The following EPHB6 variants were observed in gnomAD, a reference collection of about 807,000 sequenced individuals.
The protein encoded by EPHB6 is ephrin type-B receptor 6.
A neutral mutation model predicts 107.0 loss-of-function variants in EPHB6; 51 were observed. The observed-to-expected ratio is 0.48, with a 90% CI of 0.38 to 0.60. The LOEUF (loss-of-function observed/expected upper bound fraction) is 0.60. Ranked by LOEUF, EPHB6 falls within the 20% of genes least tolerant of loss-of-function variation. The pLI is 0.00. For synonymous variants in EPHB6, 553 were observed against 549.0 expected, an observed-to-expected ratio of 1.01 and a Z score of -0.10; for missense variants, 1,141 against 1,355.5, an observed-to-expected ratio of 0.84 and a Z score of 2.48.
rs538788029 is a variant in EPHB6, at chr7:142,864,627, G to C, written c.827G>C (p.Gly276Ala). Residue 276 changes from glycine to alanine, a missense_variant, in exon 7 of 20, where the codon GGC becomes GCC. Gly to Ala is a moderately conservative substitution (Grantham distance 60). This residue lies in a region of EPHB6 where 304 missense variants were observed against 295.7 expected (regional missense o/e 1.03). Coordinates refer to ENST00000652003, the MANE Select transcript of EPHB6 (RefSeq NM_004445.6). Reference protein sequence around the residue: ...HAEPEEDGVGGQAGGSPPRLH... With the variant: ...HAEPEEDGVGAQAGGSPPRLH... The stretch of plus-strand genomic sequence containing the variant: ...GAGCCAGAGGAGGATGGAGTAGGGG[G>C]CCAGGCAGGAGGCAGCCCCCCCAGG... The C allele has an allele frequency of 1.2e-6, 2 of 1,612,348 alleles. No homozygotes were observed. The highest frequency in any genetic ancestry group is 1.3e-5 in the African/African-American group (1 of 75,048).
rs759817671 is a variant in EPHB6, at chr7:142,867,700, G to C, written c.1843G>C (p.Val615Leu). Residue 615 changes from valine to leucine, a missense_variant, in exon 12 of 20, where the codon GTG becomes CTG. Val to Leu is a conservative substitution (Grantham distance 32). Around this residue, in one of 3 missense-constraint regions of EPHB6, gnomAD observed 616 missense variants for 759.3 expected, o/e 0.81. Coordinates refer to ENST00000652003, the MANE Select transcript of EPHB6 (RefSeq NM_004445.6). This position sits in a 1 kb window ranked among gnomAD's most constrained non-coding sequence, Gnocchi z 5.3. ...CTTCCTCCTGCTGGCAGCCATCACC[G>C]TGCTGGCGGTCGTCTTCCAGCGGTG... ...LAFLLLAAIT[V>L]LAVVFQRKRR... 122 of 1,612,408 alleles carry C rather than the reference G, an allele frequency of 7.6e-5. No individual in the cohort carries two copies. The highest frequency in any genetic ancestry group is 9.8e-5 in the Non-Finnish European group (116 of 1,179,766).
intron 19 of EPHB6, 52 bp from the exon 20 acceptor site, chr7:142,870,744 T>C (rs1016160097): frequency 3.1e-6 from 5 of 1,614,060 alleles, no homozygotes; most frequent in Non-Finnish European, 4.2e-6. Context: ...GGGGGTCGTA[T>C]TGGGGATCTC....
In EPHB6 at chr7:142,864,365, C is replaced by T. The variant is rs2116422167; in HGVS notation, c.565C>T (p.Gln189Ter). 1 of 1,613,382 alleles carries T rather than the reference C, an allele frequency of 6.2e-7. No homozygotes were observed. Reference protein sequence around the residue: ...AWAVGPHGAGQRAGLQLNVKE... With the variant: ...AWAVGPHGAG ...GGCTGTGGGACCCCACGGGGCTGGG[C>T]AGCGGGCTGGACTGCAACTGAACGT... The change falls in exon 7 of 20, where the codon CAG (glutamine) becomes TAG (stop). Residue 189 changes from glutamine (Q) to a stop codon, truncating the protein, a stop_gained. Transcript: ENST00000652003. LOFTEE classifies it high-confidence loss of function.
At position 142,871,007 on chromosome 7, in the gene EPHB6, A is replaced by C. The variant is rs1794897581; in HGVS notation, c.*103A>C. On this transcript the variant is annotated 3_prime_UTR_variant, in exon 20 of 20. Transcript: ENST00000652003. ...CCTCTGTGAGAGATGCCCCACACCA[A>C]ACCCAACCCTCCCGATGGCTGCATT... The C allele has an allele frequency of 3.7e-6, 4 of 1,069,934 alleles. No individual in the cohort carries two copies. In the South Asian group the frequency reaches 4.0e-5, roughly 11 times the overall value. 66.3% of individuals were successfully genotyped at this position (1,069,934 alleles called of 1,614,324 possible).
chr7:142,855,933 T>A lies in EPHB6; in HGVS notation c.-432+548T>A, dbSNP rs8177104. ...CATCACCCCCAACGTGCAACCAAATTCTATTGCGTGCTCCTGCCCCAGCTC... is the reference window on the plus strand; with the variant it reads ...CATCACCCCCAACGTGCAACCAAATACTATTGCGTGCTCCTGCCCCAGCTC... On this transcript the variant is annotated intron_variant, in intron 1 of 19. Transcript: ENST00000652003. This position sits in a 1 kb window ranked among gnomAD's most constrained non-coding sequence, Gnocchi z 4.2. Among the ~76,000 whole-genome samples, 251 of 152,072 alleles carry A rather than the reference T, an allele frequency of 1.7e-3. No individual in the cohort carries two copies. Among genetic ancestry groups the A allele is most frequent in the African/African-American group, 5.5e-3 (227 of 41,486 alleles).
Position 142,866,610 on chromosome 7 carries a change from G to T in EPHB6, c.1587+5G>T, listed in dbSNP as rs765691390. 3 of 1,613,820 alleles carry T rather than the reference G, an allele frequency of 1.9e-6. No individual in the cohort carries two copies. Among genetic ancestry groups the T allele is most frequent in the Non-Finnish European group, 2.5e-6 (3 of 1,180,024 alleles). ...CAGCTCCGCTACTATGACCAGGTGC[G>T]CAGGAGGAGTGGGGGTTCCGCAGTA... On this transcript the variant is annotated splice_donor_5th_base_variant and intron_variant, in intron 10 of 19. Coordinates refer to ENST00000652003, the MANE Select transcript of EPHB6 (RefSeq NM_004445.6). This position sits in a 1 kb window ranked among gnomAD's most constrained non-coding sequence, Gnocchi z 5.2.
At position 142,863,312 on chromosome 7, in the gene EPHB6, G is replaced by C. The variant is rs759463794; in HGVS notation, c.85G>C (p.Val29Leu). The change falls in exon 5 of 20, where the codon GTT becomes CTT. Residue 29 changes from valine (V) to leucine (L), a missense_variant. Around this residue, in one of 3 missense-constraint regions of EPHB6, gnomAD observed 221 missense variants for 300.5 expected, o/e 0.74. Transcript: ENST00000652003. ...ATGGGTGCTGCTCCTGGTGTCTTCAGTTCTGGCTCTGGAAGGTAAGAGGGA... is the reference window on the plus strand; with the variant it reads ...ATGGGTGCTGCTCCTGGTGTCTTCACTTCTGGCTCTGGAAGGTAAGAGGGA... ...SLWVLLLVSS[V>L]LALEEVLLDT... 7 of 1,613,788 alleles carry C rather than the reference G, an allele frequency of 4.3e-6. No homozygotes were observed. In the Admixed American group the frequency reaches 5.0e-5, roughly 12 times the overall value.
Position 142,866,287 on chromosome 7 carries a change from C to T in EPHB6, c.1433C>T (p.Ala478Val), listed in dbSNP as rs751359426. Residue 478 changes from alanine to valine, a missense_variant, in exon 9 of 20, where the codon GCA becomes GTA. This residue lies in a region of EPHB6 where 616 missense variants were observed against 759.3 expected (regional missense o/e 0.81). Transcript: ENST00000652003. This position sits in a 1 kb window ranked among gnomAD's most constrained non-coding sequence, Gnocchi z 5.2. ...CTCAGCCCTGACCCTCCTCAGGCTG[C>T]AGCCATCAATGTCAGCACCAGCCAT... is the stretch of plus-strand genomic sequence containing the variant. The part of the protein sequence containing the change: ...SELSPDPPQA[A>V]AINVSTSHEV... The T allele has an allele frequency of 6.2e-7, 1 of 1,614,008 alleles. No individual in the cohort carries two copies. The highest frequency in any genetic ancestry group is 8.5e-7 in the Non-Finnish European group (1 of 1,180,002).
Position 142,869,127 on chromosome 7 carries a change from C to G in EPHB6, c.2440C>G (p.Arg814Gly), listed in dbSNP as rs565597232. Reference protein sequence around the residue: ...VNSHLVCKVARLGHSPQGPSC... With the variant: ...VNSHLVCKVAGLGHSPQGPSC... ...TAGCCACTTGGTGTGCAAGGTGGCC[C>G]GTCTTGGCCACAGTCCTCAGGTGAG... is the stretch of plus-strand genomic sequence containing the variant. Residue 814 changes from arginine (R) to glycine (G), a missense_variant, in exon 16 of 20, where the codon CGT becomes GGT. Physicochemically the swap from Arg to Gly is moderately radical, Grantham distance 125. This residue lies in a region of EPHB6 where 616 missense variants were observed against 759.3 expected (regional missense o/e 0.81). Coordinates refer to ENST00000652003, the MANE Select transcript of EPHB6 (RefSeq NM_004445.6). This position sits in a 1 kb window ranked among gnomAD's most constrained non-coding sequence, Gnocchi z 4.5. 6.2e-7 allele frequency: 1 copy of G among 1,613,350 alleles called. No homozygotes were observed. Among genetic ancestry groups the G allele is most frequent in the South Asian group, 1.1e-5 (1 of 91,080 alleles).
At position 142,866,548 on chromosome 7, in the gene EPHB6, G is replaced by GCAGCCCGAC; in HGVS notation, c.1534_1542dup (p.Pro512_Gln514dup). 6.2e-7 allele frequency: 1 copy of GCAGCCCGAC among 1,614,142 alleles called. No individual in the cohort carries two copies. Among genetic ancestry groups the GCAGCCCGAC allele is most frequent in the Non-Finnish European group, 8.5e-7 (1 of 1,180,028 alleles). Reference sequence around the variant, plus strand: ...CCAACAGCATCACGGTGTCCTGGCCGCAGCCCGACCAGACCAATGGGAACA... The same window carrying GCAGCCCGAC: ...CCAACAGCATCACGGTGTCCTGGCCGCAGCCCGACCAGCCCGACCAGACCAATGGGAACA... On this transcript the variant is annotated inframe_insertion, in exon 10 of 20. Transcript: ENST00000652003. The surrounding 1 kb of genome is among the most constrained non-coding windows in gnomAD (Gnocchi z 5.2).
rs1350623158 is a variant in EPHB6, at chr7:142,867,358, T to A, written c.1751-250T>A. The A allele has an allele frequency of 1.6e-6, 1 of 632,388 alleles. No individual in the cohort carries two copies. Among genetic ancestry groups the A allele is most frequent in the African/African-American group, 1.8e-5 (1 of 54,824 alleles). The allele number at this position is 632,388 out of a possible 1,614,324, so 39.2% of individuals were successfully genotyped here. A position where few individuals can be genotyped will look rare whatever the true frequency, so the allele number is the denominator to read the frequency against. ...TGGGAGGGCTGTGGGCGTGTGTGTG[T>A]GTTGTGTGTCCCTGTGTGTGGATGT... On this transcript the variant is annotated intron_variant, in intron 11 of 19. Transcript: ENST00000652003. This position sits in a 1 kb window ranked among gnomAD's most constrained non-coding sequence, Gnocchi z 5.3.
intron 6 of EPHB6, 93 bp from the exon 7 acceptor site, chr7:142,863,873 C>G: frequency 6.4e-7 from 1 of 1,563,458 alleles, no homozygotes; most frequent in Non-Finnish European, 8.8e-7. Flanking sequence ...AATTTTAAGT[C>G]TCAGTGGAAG....
rs1195538968 is a variant in EPHB6, at chr7:142,864,700, C to T, written c.900C>T (p.Cys300=). The change falls in exon 7 of 20, where the codon TGC becomes TGT. Residue 300 remains cysteine (C), a synonymous_variant. Transcript: ENST00000652003. ...AGTGGATGGTAGCTGTCGGGGGCTG[C>T]CGCTGCCAGCCTGGATACCAACCAG... ...EGKWMVAVGG[C]RCQPGYQPAR... 1.2e-6 allele frequency: 2 copies of T among 1,612,900 alleles called. No individual in the cohort carries two copies. The highest frequency in any genetic ancestry group is 1.7e-4 in the Middle Eastern group (1 of 6,060).
In EPHB6 at chr7:142,866,112, G is replaced by A. The variant is rs746420726; in HGVS notation, c.1258G>A (p.Gly420Ser). 8.1e-6 allele frequency: 13 copies of A among 1,613,190 alleles called. No homozygotes were observed. Among genetic ancestry groups the A allele is most frequent in the East Asian group, 6.7e-5 (3 of 44,826 alleles). The part of the protein sequence containing the change: ...ECEGRQEPAS[G>S]GGGTCHRCRD... ...TGAAGGCCGCCAGGAACCTGCCAGCGGTGGTGGGGGCACTTGTCACCGCTG... is the reference window on the plus strand; with the variant it reads ...TGAAGGCCGCCAGGAACCTGCCAGCAGTGGTGGGGGCACTTGTCACCGCTG... The change falls in exon 9 of 20, where the codon GGT becomes AGT. Residue 420 changes from glycine to serine, a missense_variant. Gly to Ser is a moderately conservative substitution (Grantham distance 56). Around this residue, in one of 3 missense-constraint regions of EPHB6, gnomAD observed 304 missense variants for 295.7 expected, o/e 1.03. Transcript: ENST00000652003. The surrounding 1 kb of genome is among the most constrained non-coding windows in gnomAD (Gnocchi z 5.2).
In EPHB6 at chr7:142,865,551, C is replaced by A. The variant is rs2116436207; in HGVS notation, c.1026C>A (p.Pro342=). The change falls in exon 8 of 20, where the codon CCC becomes CCA. Residue 342 remains proline, a synonymous_variant. Coordinates refer to ENST00000652003, the MANE Select transcript of EPHB6 (RefSeq NM_004445.6). ...CSPCPARSHA[P]NPAAPVCPCL... ...CATGCCCTGCCCGCAGTCACGCTCCCAACCCAGCAGCCCCCGTTTGCCCCT... is the reference window on the plus strand; with the variant it reads ...CATGCCCTGCCCGCAGTCACGCTCCAAACCCAGCAGCCCCCGTTTGCCCCT... 1 of 1,613,670 alleles carries A rather than the reference C, an allele frequency of 6.2e-7. No individual in the cohort carries two copies. Among genetic ancestry groups the A allele is most frequent in the Admixed American group, 1.7e-5 (1 of 60,026 alleles).
rs143667567 is a variant in EPHB6 at position 142,864,293 on chromosome 7, CCCTCCT to C, written c.516_521del (p.Ser176_Ser177del). ...CACAATTGCAGCAGACGAGAGCTTT[CCCTCCT>C]CCTCCTCCTCCTCCTCCTCCTCTTC... On this transcript the variant is annotated inframe_deletion, in exon 7 of 20. Transcript: ENST00000652003. The C allele has an allele frequency of 2.6e-3, 3,866 of 1,494,800 alleles. 8 individuals are homozygous for C. The highest frequency in any genetic ancestry group is 9.9e-3 in the Middle Eastern group (57 of 5,772). The allele number at this position is 1,494,800 out of a possible 1,614,324, so 92.6% of individuals were successfully genotyped here. A position where few individuals can be genotyped will look rare whatever the true frequency, so the allele number is the denominator to read the frequency against.
Position 142,867,849 on chromosome 7 carries a change from G to C in EPHB6, c.1865+127G>C. 6.9e-7 allele frequency: 1 copy of C among 1,439,278 alleles called. No individual in the cohort carries two copies. Among genetic ancestry groups the C allele is most frequent in the Non-Finnish European group, 9.5e-7 (1 of 1,047,832 alleles). 89.2% of individuals were successfully genotyped at this position (1,439,278 alleles called of 1,614,324 possible). On this transcript the variant is annotated intron_variant, in intron 12 of 19. Transcript: ENST00000652003. This position sits in a 1 kb window ranked among gnomAD's most constrained non-coding sequence, Gnocchi z 5.3. ...GTGCTCCTCCCGTCAGCCAGCCCCT[G>C]CCCTGGGCCCCACGTGGAGATGGGC...
At chr7:142,857,509 G>C (rs893388224) in intron 1 of EPHB6, among the ~76,000 whole-genome samples, 1 of 152,236 alleles carries the variant, frequency 6.6e-6, no homozygotes, top group African/African-American at 2.4e-5. Context: ...TGTGGAACAG[G>C]ATAGGGGACA....
Position 142,863,188 on chromosome 7 carries a change from G to A in EPHB6, c.-40G>A, listed in dbSNP as rs1802926010. 6.3e-7 allele frequency: 1 copy of A among 1,581,868 alleles called. No individual in the cohort carries two copies. The highest frequency in any genetic ancestry group is 2.2e-5 in the East Asian group (1 of 44,626). On this transcript the variant is annotated 5_prime_UTR_variant, in exon 5 of 20. It adds an upstream start codon to the 5' untranslated region. Transcript: ENST00000652003. ...AGCTGCAGCCCCACCCAGGAGCAGG[G>A]TGGTGGCTGGGGCGATGGTGGACGC...
Sources: allele counts gnomAD v4.1 joint callset (sites outside exome capture counted in the v4.1 genomes callset), GRCh38; gene constraint gnomAD v4.1.1; regional missense constraint gnomAD v4.1.1; non-coding constraint Gnocchi (gnomAD v3.1); transcripts MANE v1.5; gene names NCBI Gene and HGNC (gene_info 2026-07-23, HGNC 2026-07-21).